Variants in HERC2 observed in about 807,000 individuals in gnomAD.
HERC2 encodes the protein HECT and RLD domain containing E3 ubiquitin protein ligase 2.
A neutral mutation model predicts 537.7 loss-of-function variants in HERC2; 102 were observed. The observed-to-expected ratio is 0.19, with a 90% CI of 0.16 to 0.22. The LOEUF (loss-of-function observed/expected upper bound fraction) is 0.22, where lower values mean the gene tolerates loss of function less well. Among genes scored for constraint, HERC2 ranks in the 10% least tolerant of loss-of-function variants. The pLI is 1.00. For synonymous variants in HERC2, 2,224 were observed against 2,466.2 expected, an observed-to-expected ratio of 0.90 and a Z score of 2.91; for missense variants, 4,236 against 6,198.2, an observed-to-expected ratio of 0.68 and a Z score of 10.63.
chr15:28,188,953 T>C (rs1435114456), intron 55 of HERC2, among the ~76,000 whole-genome samples: 2 of 151,774 alleles, frequency 1.3e-5, no homozygotes, highest in Non-Finnish European at 2.9e-5. Context: ...CTGGGTGAGG[T>C]GGTGGGCACC....
chr15:28,122,677 C>T lies in HERC2; in HGVS notation c.13189-1248G>A, dbSNP rs1475822229. 1.3e-5 allele frequency among the ~76,000 whole-genome samples: 2 copies of T among 152,140 alleles called. No individual in the cohort carries two copies. The highest frequency in any genetic ancestry group is 2.4e-5 in the African/African-American group (1 of 41,428). ...TGGTGCTCTGGACCGGGAGTAGTAA[C>T]ACCCACTCTCTGAGGCCGATCCTCA... On this transcript the variant is annotated intron_variant, in intron 85 of 92. Coordinates refer to ENST00000261609, the MANE Select transcript of HERC2 (RefSeq NM_004667.6). This position sits in a 1 kb window ranked among gnomAD's most constrained non-coding sequence, Gnocchi z 4.1.
intron 65 of HERC2, 70 bp downstream of exon 65, chr15:28,174,325 A>G: frequency 1.8e-6 from 2 of 1,126,692 alleles, no homozygotes; most frequent in Non-Finnish European, 2.5e-6. Context: ...GTGTTGGCAC[A>G]ATTAAATAAA....
At chr15:28,156,604 A>G (rs969227956) in intron 69 of HERC2, among the ~76,000 whole-genome samples, 1 of 152,202 alleles carries the variant, frequency 6.6e-6, no homozygotes, top group African/African-American at 2.4e-5. Flanking sequence ...TTGATTTTGT[A>G]TCCTGAGACT....
intron 7 of HERC2, among the ~76,000 whole-genome samples, chr15:28,273,480 T>C (rs2075794073): frequency 6.6e-6 from 1 of 152,222 alleles, no homozygotes. Flanking sequence ...TGTTACTCAA[T>C]AATAAATTTT....
chr15:28,179,198 G>C lies in HERC2; in HGVS notation c.8963C>G (p.Thr2988Arg). The change falls in exon 58 of 93, where the codon ACA (threonine) becomes AGA (arginine). Residue 2988 changes from threonine to arginine, a missense_variant. Transcript: ENST00000261609. ...SKIKVPSFSETLSALNVVQVA... is the reference protein window; with the variant it reads ...SKIKVPSFSERLSALNVVQVA... ...CTGTACCACATTCAAAGCTGACAGT[G>C]TCTCAGAGAACGAAGGAACCTTTAT... The C allele has an allele frequency of 6.2e-7, 1 of 1,611,544 alleles. No homozygotes were observed. Among genetic ancestry groups the C allele is most frequent in the Non-Finnish European group, 8.5e-7 (1 of 1,179,130 alleles).
intron 39 of HERC2, 25 bp downstream of exon 39, chr15:28,215,596 C>G (rs375731015): frequency 7.6e-5 from 119 of 1,575,730 alleles, no homozygotes; most frequent in Non-Finnish European, 9.4e-5. Context: ...TCTCAGGGAA[C>G]TGGTTTTGCC....
chr15:28,275,051 G>T, intron 5 of HERC2, 46 bp from the exon 6 acceptor site: 1 of 1,217,074 alleles, frequency 8.2e-7, no homozygotes, highest in Non-Finnish European at 1.2e-6. Context: ...GCAGCAGAGG[G>T]TGCAGATACT....
Position 28,169,621 on chromosome 15 carries a change from A to C in HERC2, c.10092T>G (p.Ser3364Arg). The change falls in exon 66 of 93, where the codon AGT becomes AGG. Residue 3364 changes from serine to arginine, a missense_variant. Physicochemically the swap from Ser to Arg is moderately radical, Grantham distance 110. Coordinates refer to ENST00000261609, the MANE Select transcript of HERC2 (RefSeq NM_004667.6). ...VPSDADSSAA[S>R]NKISGASNSK... ...AATTACTTGCACCACTTATTTTATT[A>C]CTGGCAGCAGAAGAATCAGCATCTG... The C allele has an allele frequency of 3.1e-6, 5 of 1,613,500 alleles. No individual in the cohort carries two copies. Among genetic ancestry groups the C allele is most frequent in the Non-Finnish European group, 3.4e-6 (4 of 1,179,878 alleles).
chr15:28,245,568 C>T (rs200167844), intron 23 of HERC2, among the ~76,000 whole-genome samples: 1,298 of 42,318 alleles, frequency 0.031, 20 homozygotes, highest in African/African-American at 0.11. Context: ...AAAATATATA[C>T]ACACACACAC....
intron 85 of HERC2, among the ~76,000 whole-genome samples, 178 bp from the exon 86 acceptor site, chr15:28,121,607 A>G (rs1363315401): frequency 6.6e-6 from 1 of 152,206 alleles, no homozygotes; most frequent in Admixed American, 6.5e-5. Context: ...CCCGAAGCAC[A>G]CAGGGACAGA....
chr15:28,294,534 C>T lies in HERC2; in HGVS notation c.188-1512G>A, dbSNP rs368325924. ...ATCAAGAAGGCCTCAAATAGCCTAA[C>T]CACAAGGTCTCCCCTGAGCTCTGCT... is the stretch of plus-strand genomic sequence containing the variant. On this transcript the variant is annotated intron_variant, in intron 3 of 92. Transcript: ENST00000261609. Among the ~76,000 whole-genome samples the T allele has an allele frequency of 4.0e-4, 60 of 149,644 alleles. 1 individual carries two copies. The East Asian group carries it at 0.01, about 26-fold the overall frequency.
intron 34 of HERC2, 69 bp from the exon 35 acceptor site, chr15:28,228,478 C>A: frequency 1.4e-6 from 2 of 1,389,590 alleles, no homozygotes; most frequent in Non-Finnish European, 2.0e-6. Context: ...GCAGAAAGCA[C>A]GGGCGATTAC....
intron 15 of HERC2, among the ~76,000 whole-genome samples, 174 bp from the exon 16 acceptor site, chr15:28,261,144 C>T (rs2075404512): frequency 2.0e-5 from 3 of 152,152 alleles, no homozygotes; most frequent in Admixed American, 6.5e-5. Context: ...ATTAAAACTG[C>T]TGTATTTTGT....
At chr15:28,190,901 T>G (rs1896797545) in intron 55 of HERC2, 64 bp downstream of exon 55, 1 of 1,091,052 alleles carries the variant, frequency 9.2e-7, no homozygotes, top group Non-Finnish European at 1.4e-6. Flanking sequence ...AGTATAGAAA[T>G]GGCCAAGTCA....
rs61756151 is a variant in HERC2, at chr15:28,130,553, G to A, written c.12612C>T (p.Cys4204=). The A allele has an allele frequency of 3.6e-3, 5,798 of 1,613,782 alleles. 70 individuals are homozygous for A. Among genetic ancestry groups the A allele is most frequent in the South Asian group, 0.026 (2,373 of 91,062 alleles). The part of the protein sequence containing the change: ...LTGLGVVKVE[C]GSQFSVALTK... The stretch of plus-strand genomic sequence containing the variant: ...TAAGGGCAACAGAAAACTGGGATCC[G>A]CATTCCACTTTAACTACTCCAAGAC... Residue 4204 remains cysteine, a synonymous_variant, in exon 82 of 93, where the codon TGC becomes TGT. Transcript: ENST00000261609.
intron 12 of HERC2, among the ~76,000 whole-genome samples, chr15:28,267,173 C>T (rs1035286567): frequency 2.0e-5 from 3 of 152,160 alleles, no homozygotes. Flanking sequence ...TTGTGACCTA[C>T]TAGTTTGCAA....
chr15:28,130,206 G>T lies in HERC2; in HGVS notation c.12759C>A (p.Ala4253=). The change falls in exon 83 of 93, where the codon GCC becomes GCA. Residue 4253 remains alanine, a synonymous_variant. Coordinates refer to ENST00000261609, the MANE Select transcript of HERC2 (RefSeq NM_004667.6). ...CACAGTGCAGGGAGCCAGTGGCGAT[G>T]GCGATGACTTTCTTCCCCTGCAACC... ...VQGLQGKKVI[A]IATGSLHCVC... The T allele has an allele frequency of 6.2e-7, 1 of 1,614,172 alleles. No individual in the cohort carries two copies. The highest frequency in any genetic ancestry group is 1.1e-5 in the South Asian group (1 of 91,084).
intron 44 of HERC2, 144 bp downstream of exon 44, chr15:28,210,858 G>T: frequency 8.1e-6 from 6 of 740,704 alleles, no homozygotes; most frequent in Non-Finnish European, 1.4e-5. Flanking sequence ...TTTATTCACA[G>T]TTGGTGGTTG....
intron 9 of HERC2, among the ~76,000 whole-genome samples, chr15:28,271,671 G>GA (rs912352425): frequency 2.0e-4 from 29 of 146,126 alleles, no homozygotes; most frequent in East Asian, 6.0e-4. Flanking sequence ...TCCATCTAAG[G>GA]AAAAAAAAAA....
Sources: allele counts gnomAD v4.1 joint callset (sites outside exome capture counted in the v4.1 genomes callset), GRCh38; gene constraint gnomAD v4.1.1; non-coding constraint Gnocchi (gnomAD v3.1); transcripts MANE v1.5; gene names NCBI Gene and HGNC (gene_info 2026-07-23, HGNC 2026-07-21).